Variants in GLB1L3 observed in about 807,000 individuals in gnomAD.
The protein encoded by GLB1L3 is galactosidase beta 1 like 3.
Under a neutral mutation model 89.5 loss-of-function variants are expected in GLB1L3, and 89 were observed. That is an observed-to-expected ratio of 0.99 (90% CI 0.84 to 1.19). The LOEUF is 1.19. Among genes scored for constraint, GLB1L3 ranks in the 50% most tolerant of loss-of-function variants. The pLI is 0.00. For synonymous variants in GLB1L3, 314 were observed against 312.3 expected (o/e 1.01, Z -0.06); for missense variants, 812 against 813.3 (o/e 1.00, Z 0.02).
At chr11:134,323,386 CACACACACGT>C (rs1251449139), downstream of GLB1L3, among the ~76,000 whole-genome samples, 37 of 90,222 alleles carry the variant, frequency 4.1e-4, no homozygotes, top group Admixed American at 6.3e-4. Context: ...TGCGCACACA[CACACACACGT>C]ACACACACAC....
chr11:134,291,259 C>T (rs1237147783), intron 7 of GLB1L3, among the ~76,000 whole-genome samples: 2 of 150,728 alleles, frequency 1.3e-5, no homozygotes, highest in African/African-American at 4.9e-5. Flanking sequence ...AACCTATGCA[C>T]ATCCTCCCAT....
At chr11:134,283,629 T>G in intron 5 of GLB1L3, 108 bp from the exon 6 acceptor site, 1 of 619,076 alleles carries the variant, frequency 1.6e-6, no homozygotes. Context: ...GGACCGGGGG[T>G]GTGAGGCAGC....
intron 6 of GLB1L3, chr11:134,287,160 C>CG (rs1288648720): frequency 6.6e-6 from 1 of 151,784 alleles, no homozygotes; most frequent in East Asian, 1.9e-4. Context: ...GACTCCGTCT[C>CG]GAAAAAAAAC....
chr11:134,313,563 A>C (rs998177459), intron 16 of GLB1L3, 89 bp downstream of exon 16: 56 of 1,097,136 alleles, frequency 5.1e-5, no homozygotes, highest in Non-Finnish European at 1.3e-6. Context: ...GGGTGGGGAA[A>C]CCAGCCGCTC....
At position 134,308,226 on chromosome 11, in the gene GLB1L3, C is replaced by T. The variant is rs868776404; in HGVS notation, c.961+1018C>T. On this transcript the variant is annotated intron_variant, in intron 10 of 19. Transcript: ENST00000431683. ...ACTACCACCACCACCATCACCATCA[C>T]CACCACCACCATCACCATCACCACC... Among the ~76,000 whole-genome samples the T allele has an allele frequency of 7.1e-3, 197 of 27,778 alleles. 39 individuals are homozygous for T. The highest frequency in any genetic ancestry group is 0.03 in the African/African-American group (167 of 5,620). 18.2% of individuals were successfully genotyped at this position (27,778 alleles called of 152,430 possible).
intron 5 of GLB1L3, among the ~76,000 whole-genome samples, chr11:134,283,209 C>G: frequency 1.3e-5 from 2 of 152,162 alleles, no homozygotes; most frequent in East Asian, 3.9e-4. Flanking sequence ...ATTACAGGCG[C>G]CCGCCACCAC....
chr11:134,279,364 C>CTTTTTTTTTTTTTTTTTTTTT (rs10577769), intron 3 of GLB1L3, among the ~76,000 whole-genome samples: 1 of 108,342 alleles, frequency 9.2e-6, no homozygotes, highest in Admixed American at 1.1e-4. Context: ...TTTTCTTTTT[C>CTTTTTTTTTTTTTTTTTTTTT]TTTTTTTTTT....
chr11:134,288,961 T>G, intron 7 of GLB1L3, 71 bp downstream of exon 7: 1 of 1,063,512 alleles, frequency 9.4e-7, no homozygotes, highest in Non-Finnish European at 1.4e-6. Flanking sequence ...GATTCCTGGA[T>G]GCATGAGTGA....
chr11:134,319,927 G>A (rs1283491768), downstream of GLB1L3, among the ~76,000 whole-genome samples: 2 of 152,104 alleles, frequency 1.3e-5, no homozygotes, highest in East Asian at 1.9e-4. Flanking sequence ...AACAAAGCTA[G>A]CGCAGGGTTC....
chr11:134,297,530 T>C (rs1329994087), intron 9 of GLB1L3, among the ~76,000 whole-genome samples: 2 of 152,260 alleles, frequency 1.3e-5, no homozygotes, highest in South Asian at 4.1e-4. Context: ...GACTTATTAC[T>C]TATGTCAGTT....
At chr11:134,324,237 C>G (rs1286355529), downstream of GLB1L3, among the ~76,000 whole-genome samples, 1 of 152,212 alleles carries the variant, frequency 6.6e-6, no homozygotes, top group Non-Finnish European at 1.5e-5. Context: ...CTATTTGTTT[C>G]TGCATGCCCA....
chr11:134,310,481 C>A, intron 11 of GLB1L3, 90 bp from the exon 12 acceptor site: 1 of 914,148 alleles, frequency 1.1e-6, no homozygotes, highest in African/African-American at 1.6e-5. Flanking sequence ...GTCTCACTCA[C>A]GGTGGCCCTG....
chr11:134,309,443 A>C (rs1942609180), intron 10 of GLB1L3, among the ~76,000 whole-genome samples, 183 bp from the exon 11 acceptor site: 1 of 150,474 alleles, frequency 6.6e-6, no homozygotes, highest in Non-Finnish European at 1.5e-5. Context: ...TTGAGAGAAA[A>C]ATTGTTTTTT....
chr11:134,307,000 A>G, intron 9 of GLB1L3, 124 bp from the exon 10 acceptor site: 2 of 645,422 alleles, frequency 3.1e-6, no homozygotes, highest in South Asian at 4.0e-5. Context: ...AAAACGGGAA[A>G]GCTCTGAATT....
intron 15 of GLB1L3, 33 bp downstream of exon 15, chr11:134,312,920 G>C: frequency 1.4e-6 from 2 of 1,419,438 alleles, no homozygotes; most frequent in African/African-American, 1.4e-5. Flanking sequence ...TGATGCCCTC[G>C]ACCCCCCTCA....
chr11:134,290,521 C>T (rs957864986), intron 7 of GLB1L3, among the ~76,000 whole-genome samples: 8 of 146,928 alleles, frequency 5.4e-5, no homozygotes, highest in South Asian at 4.2e-4. Flanking sequence ...TGCAGTGAGC[C>T]GAGATTATGC....
chr11:134,281,541 C>T (rs1455638110), intron 4 of GLB1L3, 96 bp downstream of exon 4: 22 of 1,355,678 alleles, frequency 1.6e-5, no homozygotes, highest in East Asian at 4.6e-5. Context: ...CAGGGAGGGA[C>T]GTGGGTCTGG....
chr11:134,276,994 A>G (rs1166981992), intron 1 of GLB1L3, among the ~76,000 whole-genome samples: 1 of 152,216 alleles, frequency 6.6e-6, no homozygotes, highest in Non-Finnish European at 1.5e-5. Context: ...CACGCAGGCC[A>G]GGGGCTCCAG....
chr11:134,295,322 G>A (rs1024481110), intron 9 of GLB1L3, among the ~76,000 whole-genome samples: 3 of 152,208 alleles, frequency 2.0e-5, no homozygotes, highest in Middle Eastern at 3.4e-3. Flanking sequence ...TTCTTCTTGG[G>A]TGAGTTGTAG....
Sources: allele counts gnomAD v4.1 joint callset (sites outside exome capture counted in the v4.1 genomes callset), GRCh38; gene constraint gnomAD v4.1.1; transcripts MANE v1.5; gene names NCBI Gene and HGNC (gene_info 2026-07-23, HGNC 2026-07-21).